The following NOP16 variants were observed in gnomAD, a reference collection of about 807,000 sequenced individuals.
NOP16 encodes NOP16 nucleolar protein.
NOP16 carries 14 observed loss-of-function variants against 22.7 expected under a neutral mutation model. The ratio of observed to expected loss-of-function variants is 0.62; its 90% CI spans 0.41 to 0.97. NOP16 has a LOEUF of 0.97. NOP16 is among the 50% of genes least tolerant of loss of function. NOP16 has a pLI of 0.00. For missense variants in NOP16, 198 were observed against 235.9 expected (o/e 0.84, Z 1.05); for synonymous variants, 80 against 83.6 (o/e 0.96, Z 0.23).
rs1426712598 is a variant in NOP16, at chr5:176,388,572, G to C, written c.-33C>G. The C allele has an allele frequency of 6.4e-7, 1 of 1,569,612 alleles. No homozygotes were observed. The highest frequency in any genetic ancestry group is 2.3e-5 in the East Asian group (1 of 44,430). On this transcript the variant is annotated 5_prime_UTR_variant, in exon 1 of 5. Transcript: ENST00000614830. ...ACCACCGCACCAGCAGCTCAAACAC[G>C]CTGCCTCTGTCTCTCAGACCTCGTG...
intron 3 of NOP16, among the ~76,000 whole-genome samples, chr5:176,385,706 C>T (rs1755786259): frequency 6.6e-6 from 1 of 152,200 alleles, no homozygotes; most frequent in Non-Finnish European, 1.5e-5. Context: ...ATAAGCCTCT[C>T]AGAGAAGCTC....
intron 3 of NOP16, chr5:176,385,879 AC>A: frequency 6.5e-6 from 1 of 152,936 alleles, no homozygotes; most frequent in Non-Finnish European, 1.5e-5. Flanking sequence ...TTTAAAATAG[AC>A]AGGCAAATCC....
chr5:176,385,344 A>G lies in NOP16; in HGVS notation c.287-17T>C. On this transcript the variant is annotated splice_polypyrimidine_tract_variant and intron_variant, in intron 3 of 4. Transcript: ENST00000614830. ...CCTCCAGGTCTGGAGTGATGAGAGAAGCGGGGAGACAGGGAATGAGGCTTT... is the reference window on the plus strand; with the variant it reads ...CCTCCAGGTCTGGAGTGATGAGAGAGGCGGGGAGACAGGGAATGAGGCTTT... 7.0e-7 allele frequency: 1 copy of G among 1,428,578 alleles called. No individual in the cohort carries two copies. The highest frequency in any genetic ancestry group is 9.9e-7 in the Non-Finnish European group (1 of 1,010,644). 88.5% of individuals were successfully genotyped at this position (1,428,578 alleles called of 1,614,324 possible). A position where few individuals can be genotyped will look rare whatever the true frequency, so the allele number is the denominator to read the frequency against.
At position 176,385,345 on chromosome 5, in the gene NOP16, G is replaced by A. The variant is rs1279386452; in HGVS notation, c.287-18C>T. On this transcript the variant is annotated intron_variant, in intron 3 of 4. Coordinates refer to ENST00000614830, the MANE Select transcript of NOP16 (RefSeq NM_016391.8). ...CTCCAGGTCTGGAGTGATGAGAGAAGCGGGGAGACAGGGAATGAGGCTTTG... is the reference window on the plus strand; with the variant it reads ...CTCCAGGTCTGGAGTGATGAGAGAAACGGGGAGACAGGGAATGAGGCTTTG... 6.3e-6 allele frequency: 9 copies of A among 1,417,346 alleles called. No individual in the cohort carries two copies. In the South Asian group the frequency reaches 8.0e-5, roughly 13 times the overall value. The allele number at this position is 1,417,346 out of a possible 1,614,324, so 87.8% of individuals were successfully genotyped here.
rs1755737621 is a variant in NOP16, at chr5:176,385,218, C to T, written c.393+3G>A. 2.6e-5 allele frequency: 41 copies of T among 1,578,436 alleles called. 1 individual carries two copies. In the East Asian group the frequency reaches 9.2e-4, roughly 35 times the overall value. Reference sequence around the variant, plus strand: ...GCCAGCCCACGGGGCCTGAGCCGCTCACCTTATAGTCCTCCCCGTGGTTCT... The same window carrying T: ...GCCAGCCCACGGGGCCTGAGCCGCTTACCTTATAGTCCTCCCCGTGGTTCT... On this transcript the variant is annotated splice_donor_region_variant and intron_variant, in intron 4 of 4. Transcript: ENST00000614830.
intron 2 of NOP16, 41 bp downstream of exon 2, chr5:176,388,194 G>T: frequency 2.1e-6 from 3 of 1,416,576 alleles, no homozygotes; most frequent in Non-Finnish European, 3.0e-6. Context: ...GGCGGGGGAA[G>T]AGTAAAGAAG....
intron 4 of NOP16, chr5:176,384,750 A>C (rs1192267999): frequency 2.8e-6 from 1 of 351,896 alleles, no homozygotes; most frequent in Non-Finnish European, 5.1e-6. Context: ...ACCCTGGGTG[A>C]CAGAGCGAGA....
Position 176,388,326 on chromosome 5 carries a change from G to C in NOP16, c.125C>G (p.Ala42Gly). ...PRIECSHIRHAWDHAKSVRQN... is the reference protein window; with the variant it reads ...PRIECSHIRHGWDHAKSVRQN... Reference sequence around the variant, plus strand: ...CCGTACCGATTTAGCGTGGTCCCAGGCATGTCGGATGTGGGAGCTACCGGC... The same window carrying C: ...CCGTACCGATTTAGCGTGGTCCCAGCCATGTCGGATGTGGGAGCTACCGGC... Residue 42 changes from alanine (A) to glycine (G), a missense_variant, in exon 2 of 5, where the codon GCC becomes GGC. Transcript: ENST00000614830. 6.2e-7 allele frequency: 1 copy of C among 1,614,178 alleles called. No homozygotes were observed. Among genetic ancestry groups the C allele is most frequent in the Non-Finnish European group, 8.5e-7 (1 of 1,180,026 alleles).
At chr5:176,385,349 G>A in intron 3 of NOP16, 22 bp from the exon 4 acceptor site, 2 of 1,375,174 alleles carry the variant, frequency 1.5e-6, no homozygotes, top group African/African-American at 1.4e-5. Context: ...AGAGAAGCGG[G>A]GAGACAGGGA....
At chr5:176,386,796 C>G in intron 3 of NOP16, 44 bp downstream of exon 3, 2 of 1,547,748 alleles carry the variant, frequency 1.3e-6, no homozygotes, top group Non-Finnish European at 1.8e-6. Flanking sequence ...CAGCTTCCCA[C>G]AGTGCAGGAC....
intron 2 of NOP16, among the ~76,000 whole-genome samples, chr5:176,387,962 A>G (rs1449808066): frequency 2.0e-5 from 3 of 152,218 alleles, no homozygotes; most frequent in African/African-American, 7.2e-5. Context: ...AAAAAGATAA[A>G]TTAAGGAAAA....
In NOP16 at chr5:176,384,092, G is replaced by C; in HGVS notation, c.*139C>G. ...CTTCCCCAGAGCGGGGAGTGTGCAC[G>C]TGTGTGTGTAACCTTCTGATTCCAT... On this transcript the variant is annotated 3_prime_UTR_variant, in exon 5 of 5. Transcript: ENST00000614830. 1 of 1,577,744 alleles carries C rather than the reference G, an allele frequency of 6.3e-7. No homozygotes were observed. Among genetic ancestry groups the C allele is most frequent in the Non-Finnish European group, 8.5e-7 (1 of 1,176,844 alleles).
At position 176,388,292 on chromosome 5, in the gene NOP16, C is replaced by T. The variant is rs372435052; in HGVS notation, c.159G>A (p.Leu53=). 3.7e-6 allele frequency: 6 copies of T among 1,614,090 alleles called. No individual in the cohort carries two copies. The African/African-American group carries it at 6.7e-5, about 18-fold the overall frequency. Residue 53 remains leucine (L), a synonymous_variant, in exon 2 of 5, where the codon CTG becomes CTA. Coordinates refer to ENST00000614830, the MANE Select transcript of NOP16 (RefSeq NM_016391.8). ...WDHAKSVRQN[L]AEMGLAVDPN... ...GGTCCACAGCCAACCCCATCTCGGC[C>T]AGGTTCTGCCGTACCGATTTAGCGT...
chr5:176,384,072 C>T lies in NOP16; in HGVS notation c.*159G>A, dbSNP rs1207909916. ...GGAGCCTCTGAGAACAGTTCCTTCCCCAGAGCGGGGAGTGTGCACGTGTGT... is the reference window on the plus strand; with the variant it reads ...GGAGCCTCTGAGAACAGTTCCTTCCTCAGAGCGGGGAGTGTGCACGTGTGT... On this transcript the variant is annotated 3_prime_UTR_variant, in exon 5 of 5. Coordinates refer to ENST00000614830, the MANE Select transcript of NOP16 (RefSeq NM_016391.8). 3 of 1,580,246 alleles carry T rather than the reference C, an allele frequency of 1.9e-6. No homozygotes were observed. The highest frequency in any genetic ancestry group is 2.6e-6 in the Non-Finnish European group (3 of 1,168,584).
intron 4 of NOP16, 187 bp downstream of exon 4, chr5:176,385,034 C>T: frequency 3.4e-6 from 2 of 594,742 alleles, no homozygotes; most frequent in Non-Finnish European, 6.0e-6. Context: ...ACCAAGGTCA[C>T]TCAGTCTATC....
intron 2 of NOP16, 155 bp from the exon 3 acceptor site, chr5:176,387,064 TTCTC>T (rs55641001): frequency 0.43 from 237,039 of 550,080 alleles, 38,025 homozygotes; most frequent in Non-Finnish European, 0.46. Context: ...TGGAGGCTTT[TTCTC>T]TCTCTCTCTC....
chr5:176,385,398 C>T (rs1755761877), intron 3 of NOP16, 71 bp from the exon 4 acceptor site: 6 of 890,000 alleles, frequency 6.7e-6, no homozygotes, highest in East Asian at 2.4e-5. Flanking sequence ...GCTGTCCAAT[C>T]ACCCCTTCAC....
At chr5:176,387,292 C>A (rs1755941616) in intron 2 of NOP16, among the ~76,000 whole-genome samples, 1 of 152,154 alleles carries the variant, frequency 6.6e-6, no homozygotes, top group Admixed American at 6.5e-5. Context: ...GTTGGCCAGG[C>A]CGGTCTCAAA....
intron 3 of NOP16, 177 bp downstream of exon 3, chr5:176,386,663 G>C: frequency 1.4e-6 from 1 of 704,894 alleles, no homozygotes; most frequent in South Asian, 1.5e-5. Flanking sequence ...GGTTTAGTCA[G>C]TACAATGAAA....
Sources: allele counts gnomAD v4.1 joint callset (sites outside exome capture counted in the v4.1 genomes callset), GRCh38; gene constraint gnomAD v4.1.1; transcripts MANE v1.5; gene names NCBI Gene and HGNC (gene_info 2026-07-23, HGNC 2026-07-21).